Variants in DTNA observed in about 807,000 individuals in gnomAD.
DTNA encodes the protein dystrophin-related protein 3.
Under a neutral mutation model 100.7 loss-of-function variants are expected in DTNA, and 43 were observed. That is an observed-to-expected ratio of 0.43 (90% CI 0.33 to 0.55). The LOEUF (loss-of-function observed/expected upper bound fraction) is 0.55. Ranked by LOEUF, DTNA falls within the 20% of genes least tolerant of loss-of-function variation. DTNA has a pLI of 0.04. For synonymous variants in DTNA, 349 were observed against 347.9 expected (o/e 1.00, Z -0.04); for missense variants, 798 against 953.9 (o/e 0.84, Z 2.15).
At chr18:34,631,294 T>C (rs977851410) in intron 1 of DTNA, among the ~76,000 whole-genome samples, 1 of 152,170 alleles carries the variant, frequency 6.6e-6, no homozygotes, top group African/African-American at 2.4e-5. Context: ...GCATGAAGCC[T>C]AAAATGGTTA....
At chr18:34,669,938 G>A (rs1390634752) in intron 1 of DTNA, among the ~76,000 whole-genome samples, 2 of 152,098 alleles carry the variant, frequency 1.3e-5, no homozygotes, top group African/African-American at 2.4e-5. Context: ...TATCTTTGTG[G>A]CATTCTCTGT....
chr18:34,803,801 C>T (rs969568101), intron 4 of DTNA, among the ~76,000 whole-genome samples: 1 of 152,180 alleles, frequency 6.6e-6, no homozygotes, highest in African/African-American at 2.4e-5. Context: ...ATTTCTATTA[C>T]AGCTACCTGC....
intron 13 of DTNA, among the ~76,000 whole-genome samples, chr18:34,840,893 G>C (rs2096254850): frequency 6.6e-6 from 1 of 151,666 alleles, no homozygotes; most frequent in African/African-American, 2.4e-5. Context: ...CCTCATACCT[G>C]TCATGGTTCT....
chr18:34,757,565 C>T (rs1170158677), intron 2 of DTNA, among the ~76,000 whole-genome samples: 1 of 152,178 alleles, frequency 6.6e-6, no homozygotes, highest in East Asian at 1.9e-4. Flanking sequence ...GTAAATCCTT[C>T]TTTGAGTTTA....
chr18:34,869,914 G>A (rs563008799), intron 17 of DTNA, among the ~76,000 whole-genome samples: 94 of 152,234 alleles, frequency 6.2e-4, no homozygotes, highest in Non-Finnish European at 1.0e-3. Context: ...CCAGCTACTC[G>A]GGAGGCTGAG....
chr18:34,674,809 A>G (rs1040029346), intron 1 of DTNA, among the ~76,000 whole-genome samples: 2 of 152,244 alleles, frequency 1.3e-5, no homozygotes, highest in African/African-American at 4.8e-5. Flanking sequence ...GTCCCTGCCC[A>G]GAGTTGCACG....
intron 1 of DTNA, among the ~76,000 whole-genome samples, chr18:34,644,776 A>G (rs1457179386): frequency 6.6e-6 from 1 of 152,128 alleles, no homozygotes; most frequent in African/African-American, 2.4e-5. Context: ...AGCGTTTCCT[A>G]GTATTGCTGC....
chr18:34,650,596 T>G (rs2060332230), intron 1 of DTNA, among the ~76,000 whole-genome samples: 1 of 152,190 alleles, frequency 6.6e-6, no homozygotes, highest in African/African-American at 2.4e-5. Flanking sequence ...TCTTAGCCTG[T>G]GGCACCTTCA....
chr18:34,769,503 A>C (rs527786285), intron 3 of DTNA, among the ~76,000 whole-genome samples: 32 of 152,236 alleles, frequency 2.1e-4, no homozygotes, highest in African/African-American at 7.7e-4. Context: ...GCATATTTGT[A>C]AGTGCATTTT....
intron 1 of DTNA, among the ~76,000 whole-genome samples, chr18:34,728,076 G>A (rs1298610593): frequency 3.9e-5 from 6 of 152,026 alleles, no homozygotes; most frequent in South Asian, 2.1e-4. Context: ...CAGCAGATAC[G>A]TATTACTTTC....
intron 9 of DTNA, among the ~76,000 whole-genome samples, chr18:34,826,982 G>T (rs894243745): frequency 6.6e-6 from 1 of 152,190 alleles, no homozygotes; most frequent in African/African-American, 2.4e-5. Flanking sequence ...AACAAGTGAA[G>T]CTTATGGGAT....
chr18:34,690,998 A>G (rs944671188), intron 1 of DTNA, among the ~76,000 whole-genome samples: 1 of 152,224 alleles, frequency 6.6e-6, no homozygotes, highest in Non-Finnish European at 1.5e-5. Context: ...AAGTAGGTTG[A>G]AGGTGAAAAT....
chr18:34,709,979 G>A (rs2082593711), upstream of DTNA, among the ~76,000 whole-genome samples: 1 of 152,170 alleles, frequency 6.6e-6, no homozygotes, highest in Non-Finnish European at 1.5e-5. Flanking sequence ...GTTGGCTGAT[G>A]TAGTAGATAA....
At position 34,543,298 on chromosome 18, in the gene DTNA, A is replaced by G. The variant is rs191915101; in HGVS notation, c.-2+49784A>G. Among the ~76,000 whole-genome samples the G allele has an allele frequency of 3.1e-3, 473 of 152,096 alleles. 1 individual carries two copies. The highest frequency in any genetic ancestry group is 0.011 in the African/African-American group (455 of 41,554). ...TATAATAATTTAATTATTTTAAACC[A>G]TCATGTGGGCAATACATAATTTCTC... is the stretch of plus-strand genomic sequence containing the variant. On this transcript the variant is annotated intron_variant, in intron 1 of 19. Transcript: ENST00000283365.
intron 1 of DTNA, among the ~76,000 whole-genome samples, chr18:34,586,419 T>G (rs1043832415): frequency 1.2e-4 from 15 of 123,074 alleles, no homozygotes; most frequent in Non-Finnish European, 1.7e-4. Context: ...TTTTGTTTTT[T>G]TTTGCATGGG....
chr18:34,558,455 G>A (rs1421901336), intron 1 of DTNA, among the ~76,000 whole-genome samples: 3 of 152,140 alleles, frequency 2.0e-5, no homozygotes, highest in African/African-American at 4.8e-5. Flanking sequence ...AGTGCCTGTT[G>A]TGTGTCAGAC....
chr18:34,705,739 A>C (rs934655632), upstream of DTNA, among the ~76,000 whole-genome samples: 2 of 152,184 alleles, frequency 1.3e-5, no homozygotes, highest in Non-Finnish European at 2.9e-5. Context: ...ATAACCAAAA[A>C]TTTATATACA....
At chr18:34,589,309 T>C (rs924757347) in intron 1 of DTNA, among the ~76,000 whole-genome samples, 24 of 152,166 alleles carry the variant, frequency 1.6e-4, no homozygotes, top group African/African-American at 5.8e-4. Context: ...CTATAGTTAC[T>C]TTCATGTGTG....
intron 1 of DTNA, among the ~76,000 whole-genome samples, chr18:34,565,535 G>A (rs544303225): frequency 1.1e-4 from 17 of 152,274 alleles, no homozygotes; most frequent in Admixed American, 1.1e-3. Flanking sequence ...GCCCCAGCAA[G>A]GCCACACCTT....
Sources: gnomAD v4.1 joint callset for allele counts (sites outside exome capture counted in the v4.1 genomes callset) on GRCh38, gnomAD v4.1.1 for gene constraint, MANE v1.5 for transcripts, NCBI Gene and HGNC (gene_info 2026-07-23, HGNC 2026-07-21) for gene names.